The following ZNF385D variants were observed in gnomAD, a reference collection of about 807,000 sequenced individuals.
The protein encoded by ZNF385D is zinc finger protein 385D.
In ZNF385D, 15 loss-of-function variants were observed where a neutral mutation model predicts 35.8. The ratio of observed to expected loss-of-function variants is 0.42; its 90% CI spans 0.28 to 0.64. The LOEUF (loss-of-function observed/expected upper bound fraction) is 0.64. Among genes scored for constraint, ZNF385D ranks in the 30% least tolerant of loss-of-function variants. The pLI is 0.23. For missense variants in ZNF385D, 474 were observed against 494.6 expected (o/e 0.96, Z 0.39); for synonymous variants, 212 against 186.8 (o/e 1.13, Z -1.10).
intron 2 of ZNF385D, among the ~76,000 whole-genome samples, chr3:22,250,894 C>T (rs942247274): frequency 6.6e-6 from 1 of 152,042 alleles, no homozygotes; most frequent in Non-Finnish European, 1.5e-5. Context: ...AAAGACCCTT[C>T]AAGAACTTTA....
chr3:21,860,180 G>A lies in ZNF385D; in HGVS notation c.326-195152C>T, dbSNP rs145968354. On this transcript the variant is annotated intron_variant, in intron 3 of 5. Transcript: ENST00000494108. ...AGTATTTCTAAAAGAGGTTGTTTTT[G>A]ACCAAGGTTGAGCACGTTTGCTGTA... Among the ~76,000 whole-genome samples the A allele has an allele frequency of 8.9e-3, 1,359 of 151,976 alleles. 9 individuals carry two copies. The highest frequency in any genetic ancestry group is 0.016 in the Non-Finnish European group (1,062 of 67,982).
intron 3 of ZNF385D, among the ~76,000 whole-genome samples, chr3:21,904,505 G>A (rs1699576760): frequency 6.6e-6 from 1 of 152,008 alleles, no homozygotes; most frequent in African/African-American, 2.4e-5. Flanking sequence ...AGATACAAAA[G>A]AATGTTCACA....
chr3:21,686,301 G>A (rs2067102071), intron 1 of ZNF385D, among the ~76,000 whole-genome samples: 1 of 151,888 alleles, frequency 6.6e-6, no homozygotes, highest in Admixed American at 6.6e-5. Context: ...AATTATTTTT[G>A]GCAAGTGCAG....
chr3:21,845,442 A>T (rs1256988275), intron 3 of ZNF385D, among the ~76,000 whole-genome samples: 2 of 151,906 alleles, frequency 1.3e-5, no homozygotes, highest in African/African-American at 2.4e-5. Flanking sequence ...CTTCTCTTTA[A>T]ATCCCTTTTC....
At chr3:21,803,513 A>C (rs956510788) in intron 3 of ZNF385D, among the ~76,000 whole-genome samples, 1 of 152,188 alleles carries the variant, frequency 6.6e-6, no homozygotes, top group Non-Finnish European at 1.5e-5. Flanking sequence ...ATATTATTTC[A>C]AAATGTTTCA....
At chr3:22,330,669 C>T (rs955294709) in intron 2 of ZNF385D, among the ~76,000 whole-genome samples, 2 of 152,194 alleles carry the variant, frequency 1.3e-5, no homozygotes, top group Non-Finnish European at 2.9e-5. Flanking sequence ...AGCCCATGAG[C>T]TCCTCTACAC....
intron 3 of ZNF385D, among the ~76,000 whole-genome samples, chr3:21,947,421 T>C (rs1575983768): frequency 6.6e-6 from 1 of 152,064 alleles, no homozygotes; most frequent in Non-Finnish European, 1.5e-5. Context: ...CACAATCTCG[T>C]CTCACTGCAA....
At chr3:22,195,383 TA>T (rs1383201398) in intron 2 of ZNF385D, among the ~76,000 whole-genome samples, 1 of 151,956 alleles carries the variant, frequency 6.6e-6, no homozygotes, top group Non-Finnish European at 1.5e-5. Context: ...CAAACATATA[TA>T]TATTTTTTCT....
chr3:21,774,178 A>G (rs1296470914), intron 3 of ZNF385D, among the ~76,000 whole-genome samples: 6 of 151,952 alleles, frequency 3.9e-5, no homozygotes, highest in Non-Finnish European at 7.4e-5. Context: ...AACAGAAATC[A>G]AATAGTGCAT....
chr3:22,132,331 A>C (rs1354996445), intron 3 of ZNF385D, among the ~76,000 whole-genome samples: 2 of 152,186 alleles, frequency 1.3e-5, no homozygotes, highest in African/African-American at 4.8e-5. Flanking sequence ...ATCAGATACC[A>C]AATCTGCTGG....
intron 2 of ZNF385D, among the ~76,000 whole-genome samples, chr3:21,645,046 G>A (rs554283952): frequency 1.3e-5 from 2 of 152,176 alleles, no homozygotes; most frequent in Admixed American, 1.3e-4. Context: ...TGGATAATAA[G>A]TGTGCAATGA....
chr3:21,841,957 AAC>A (rs753329921), intron 3 of ZNF385D, among the ~76,000 whole-genome samples: 3 of 151,620 alleles, frequency 2.0e-5, no homozygotes, highest in East Asian at 1.9e-4. Flanking sequence ...CACATACACA[AAC>A]ACACATATAT....
intron 3 of ZNF385D, among the ~76,000 whole-genome samples, chr3:22,065,166 G>A (rs1247813569): frequency 1.3e-5 from 2 of 152,146 alleles, no homozygotes; most frequent in East Asian, 3.9e-4. Context: ...TGTGGAGTTA[G>A]TAAGTCTTAG....
intron 2 of ZNF385D, among the ~76,000 whole-genome samples, chr3:22,322,808 T>A (rs1168767368): frequency 6.6e-6 from 1 of 152,258 alleles, no homozygotes; most frequent in East Asian, 1.9e-4. Flanking sequence ...TCTTCTGAAT[T>A]ACTAAGCTCA....
At chr3:21,834,229 C>G (rs534041928) in intron 3 of ZNF385D, among the ~76,000 whole-genome samples, 97 of 152,208 alleles carry the variant, frequency 6.4e-4, no homozygotes, top group Non-Finnish European at 1.2e-3. Context: ...TAGTTATATT[C>G]AAATACCCAC....
At chr3:21,492,813 A>AAATAAATAAATAAATT (rs1253199469) in intron 4 of ZNF385D, among the ~76,000 whole-genome samples, 7 of 151,376 alleles carry the variant, frequency 4.6e-5, no homozygotes, top group African/African-American at 1.7e-4. Context: ...ATAAATAAAT[A>AAATAAATAAATAAATT]AATTTTGGCA....
chr3:21,443,866 G>A (rs935687724), intron 4 of ZNF385D, among the ~76,000 whole-genome samples: 1 of 152,052 alleles, frequency 6.6e-6, no homozygotes, highest in Non-Finnish European at 1.5e-5. Context: ...CAAAAATATT[G>A]AACTGAAACT....
At chr3:21,940,562 A>G (rs1329656397) in intron 3 of ZNF385D, among the ~76,000 whole-genome samples, 1 of 152,220 alleles carries the variant, frequency 6.6e-6, no homozygotes, top group African/African-American at 2.4e-5. Flanking sequence ...GAAGTGCAGC[A>G]ATGAAAACAA....
chr3:22,176,952 G>C (rs900319916), intron 2 of ZNF385D, among the ~76,000 whole-genome samples: 6 of 152,190 alleles, frequency 3.9e-5, no homozygotes, highest in South Asian at 2.1e-4. Context: ...ATTCCTCAAA[G>C]TTTCAAAGAC....
Sources: allele counts gnomAD v4.1 joint callset (sites outside exome capture counted in the v4.1 genomes callset), GRCh38; gene constraint gnomAD v4.1.1; transcripts MANE v1.5; gene names NCBI Gene and HGNC (gene_info 2026-07-23, HGNC 2026-07-21).